COP1: variants seen among roughly 807,000 people sequenced by gnomAD.
The protein encoded by COP1 is E3 ubiquitin-protein ligase COP1.
In COP1, 24 loss-of-function variants were observed where a neutral mutation model predicts 101.3. The ratio of observed to expected loss-of-function variants is 0.24; its 90% CI spans 0.17 to 0.33. The LOEUF is 0.33. COP1 is among the 10% of genes least tolerant of loss of function. The pLI is 1.00. For synonymous variants in COP1, 347 were observed against 341.9 expected, an observed-to-expected ratio of 1.01 and a Z score of -0.17; for missense variants, 663 against 906.2, an observed-to-expected ratio of 0.73 and a Z score of 3.45.
At chr1:176,108,579 T>C (rs995576172) in intron 9 of COP1, among the ~76,000 whole-genome samples, 2 of 152,132 alleles carry the variant, frequency 1.3e-5, no homozygotes, top group Non-Finnish European at 2.9e-5. Context: ...TTCCCCAATA[T>C]GCACATGGTT....
At chr1:176,009,844 C>T (rs1664295262) in intron 15 of COP1, among the ~76,000 whole-genome samples, 1 of 132,210 alleles carries the variant, frequency 7.6e-6, no homozygotes, top group Non-Finnish European at 1.6e-5. Flanking sequence ...ATTGTAATAA[C>T]ATTATGATGT....
chr1:176,116,557 T>G, intron 9 of COP1, 67 bp downstream of exon 9: 1 of 1,298,910 alleles, frequency 7.7e-7, no homozygotes, highest in South Asian at 1.3e-5. Flanking sequence ...AGTAAACTAA[T>G]CTATGATTTT....
At chr1:176,166,126 T>TTTTA (rs1281857278) in intron 3 of COP1, among the ~76,000 whole-genome samples, 8 of 150,166 alleles carry the variant, frequency 5.3e-5, no homozygotes, top group South Asian at 2.1e-4. Flanking sequence ...TATTTATTTA[T>TTTTA]TTTATTTATT....
rs139813573 is a variant in COP1 at position 176,185,583 on chromosome 1, C to T, written c.408-891G>A. Among the ~76,000 whole-genome samples, 400 of 152,236 alleles carry T rather than the reference C, an allele frequency of 2.6e-3. 3 individuals carry two copies. Among genetic ancestry groups the T allele is most frequent in the African/African-American group, 9.2e-3 (382 of 41,542 alleles). ...CATCTATGAGAACAAAAATGCAAAACCTTGTAAAAAGACATTTCCTTTTAT... is the reference window on the plus strand; with the variant it reads ...CATCTATGAGAACAAAAATGCAAAATCTTGTAAAAAGACATTTCCTTTTAT... On this transcript the variant is annotated intron_variant, in intron 1 of 19. Coordinates refer to ENST00000367669, the MANE Select transcript of COP1 (RefSeq NM_022457.7).
At chr1:176,011,841 T>G (rs1056583479) in intron 15 of COP1, among the ~76,000 whole-genome samples, 4 of 152,212 alleles carry the variant, frequency 2.6e-5, no homozygotes, top group African/African-American at 9.6e-5. Context: ...TTATTCTAAG[T>G]TTTTGGTCAT....
At chr1:176,032,977 T>C (rs1258305113) in intron 14 of COP1, among the ~76,000 whole-genome samples, 2 of 152,244 alleles carry the variant, frequency 1.3e-5, no homozygotes, top group Non-Finnish European at 2.9e-5. Context: ...ACTGTTATCA[T>C]AATGCTATTT....
intron 3 of COP1, chr1:176,168,694 GA>G: frequency 3.1e-6 from 1 of 325,298 alleles, no homozygotes; most frequent in Non-Finnish European, 6.3e-6. Flanking sequence ...TCAGGAGAGG[GA>G]AAGAGAGCAT....
chr1:175,963,086 A>C (rs1176216700), intron 18 of COP1, among the ~76,000 whole-genome samples: 2 of 151,974 alleles, frequency 1.3e-5, no homozygotes, highest in Non-Finnish European at 2.9e-5. Flanking sequence ...GAAAAAAAAA[A>C]CCCTGAATAA....
At chr1:176,114,581 T>C (rs1685860150) in intron 9 of COP1, among the ~76,000 whole-genome samples, 1 of 145,924 alleles carries the variant, frequency 6.9e-6, no homozygotes, top group Non-Finnish European at 1.5e-5. Context: ...GGTAATTCTT[T>C]TTTTTGCGGG....
intron 6 of COP1, among the ~76,000 whole-genome samples, chr1:176,146,864 G>T (rs961753784): frequency 6.6e-6 from 1 of 150,966 alleles, no homozygotes; most frequent in Non-Finnish European, 1.5e-5. Flanking sequence ...ATTCTAAGGA[G>T]AATCAGTAGG....
chr1:175,957,632 A>G (rs1432103593), intron 18 of COP1, among the ~76,000 whole-genome samples: 1 of 152,222 alleles, frequency 6.6e-6, no homozygotes, highest in African/African-American at 2.4e-5. Flanking sequence ...ACAGTTTCTT[A>G]TAAGGCTAAA....
intron 11 of COP1, among the ~76,000 whole-genome samples, chr1:176,056,326 T>C (rs943271313): frequency 6.6e-6 from 1 of 152,208 alleles, no homozygotes; most frequent in Admixed American, 6.5e-5. Context: ...TCTACAGTTT[T>C]ATTAACATTT....
intron 15 of COP1, among the ~76,000 whole-genome samples, chr1:176,003,236 G>C (rs1191838489): frequency 6.6e-6 from 1 of 152,132 alleles, no homozygotes; most frequent in Non-Finnish European, 1.5e-5. Flanking sequence ...GTTCATTCTA[G>C]ATTCTGGATA....
chr1:176,159,427 G>A (rs16849609), intron 5 of COP1, among the ~76,000 whole-genome samples: 11,471 of 152,132 alleles, frequency 0.075, 513 homozygotes, highest in Middle Eastern at 0.12. Context: ...TGCTTATATG[G>A]CACAAATCCA....
chr1:176,027,653 C>A lies in COP1; in HGVS notation c.1648G>T (p.Ala550Ser), dbSNP rs754295719. The change falls in exon 15 of 20, where the codon GCA (alanine) becomes TCA (serine). Residue 550 changes from alanine (A) to serine (S), a missense_variant. Around this residue, in one of 4 missense-constraint regions of COP1, gnomAD observed 209 missense variants for 383.3 expected, o/e 0.55. Transcript: ENST00000367669. ...ACATTAGCCTTTGCCTCAATGCTTG[C>A]CACTGAGTTGTCTAGATTGGTAGAC... ...LWSTNLDNSV[A>S]SIEAKANVCC... 3 of 1,613,272 alleles carry A rather than the reference C, an allele frequency of 1.9e-6. No homozygotes were observed. Among genetic ancestry groups the A allele is most frequent in the Non-Finnish European group, 2.5e-6 (3 of 1,179,304 alleles).
intron 15 of COP1, among the ~76,000 whole-genome samples, chr1:176,007,628 TG>T (rs1368267544): frequency 1.3e-5 from 2 of 151,756 alleles, no homozygotes; most frequent in Non-Finnish European, 2.9e-5. Flanking sequence ...GTGCCCCTGC[TG>T]GGGGGTGTCT....
rs1491557106 is a variant in COP1 at position 176,176,022 on chromosome 1, GGA to G, written c.468-17_468-16del. On this transcript the variant is annotated splice_polypyrimidine_tract_variant and intron_variant, in intron 2 of 19. Coordinates refer to ENST00000367669, the MANE Select transcript of COP1 (RefSeq NM_022457.7). ...TACACTTGTAGCTATTAGTAGGGGG[GGA>G]AAAAAAAGGCTTAATTAAATCAATG... 2 of 1,211,730 alleles carry G rather than the reference GGA, an allele frequency of 1.7e-6. No homozygotes were observed. The highest frequency in any genetic ancestry group is 2.7e-5 in the South Asian group (2 of 74,192). The allele number at this position is 1,211,730 out of a possible 1,614,324, so 75.1% of individuals were successfully genotyped here. A position where few individuals can be genotyped will look rare whatever the true frequency, so the allele number is the denominator to read the frequency against.
intron 15 of COP1, among the ~76,000 whole-genome samples, chr1:176,026,007 T>C (rs942120443): frequency 6.6e-6 from 1 of 152,010 alleles, no homozygotes; most frequent in Admixed American, 6.6e-5. Context: ...TACAAGAAAG[T>C]CTGATAAGAA....
chr1:175,988,894 C>G (rs1557855955), intron 16 of COP1: 1 of 157,174 alleles, frequency 6.4e-6, no homozygotes, highest in African/African-American at 2.4e-5. Context: ...GATAAATGAC[C>G]ATGTCAGTGT....
Sources: gnomAD v4.1 joint callset for allele counts (sites outside exome capture counted in the v4.1 genomes callset) on GRCh38, gnomAD v4.1.1 for gene constraint, gnomAD v4.1.1 regional missense constraint, MANE v1.5 for transcripts, NCBI Gene and HGNC (gene_info 2026-07-23, HGNC 2026-07-21) for gene names.